GUCY1A2: variants seen among roughly 807,000 people sequenced by gnomAD.
GUCY1A2 encodes guanylate cyclase soluble subunit alpha-2.
GUCY1A2 carries 27 observed loss-of-function variants against 63.5 expected under a neutral mutation model. The ratio of observed to expected loss-of-function variants is 0.43; its 90% CI spans 0.31 to 0.59. GUCY1A2 has a LOEUF of 0.59. Among genes scored for constraint, GUCY1A2 ranks in the 20% least tolerant of loss-of-function variants. GUCY1A2 has a pLI of 0.11. For missense variants in GUCY1A2, 768 were observed against 913.3 expected (o/e 0.84, Z 2.05); for synonymous variants, 364 against 343.5 (o/e 1.06, Z -0.66).
At chr11:106,935,515 G>A (rs912108824) in intron 4 of GUCY1A2, among the ~76,000 whole-genome samples, 1 of 152,098 alleles carries the variant, frequency 6.6e-6, no homozygotes, top group Non-Finnish European at 1.5e-5. Flanking sequence ...CTTTTAAAAT[G>A]CATCTGAATT....
At position 106,813,182 on chromosome 11, in the gene GUCY1A2, C is replaced by T. The variant is rs75726885; in HGVS notation, c.1207-2704G>A. Among the ~76,000 whole-genome samples the T allele has an allele frequency of 7.6e-3, 1,160 of 151,954 alleles. 79 individuals carry two copies. The East Asian group carries it at 0.15, about 19-fold the overall frequency. ...TGCATCTTACATCATATTGAAGTTT[C>T]AATGAGATAGCACAGAAGACATAAG... On this transcript the variant is annotated intron_variant, in intron 4 of 7. Coordinates refer to ENST00000526355, the MANE Select transcript of GUCY1A2 (RefSeq NM_000855.3).
At chr11:106,740,298 C>T (rs1009437323) in intron 6 of GUCY1A2, among the ~76,000 whole-genome samples, 1 of 151,852 alleles carries the variant, frequency 6.6e-6, no homozygotes, top group Non-Finnish European at 1.5e-5. Flanking sequence ...CCACCATGCC[C>T]GGCCTGAGAG....
chr11:106,832,236 A>G (rs998561373), intron 4 of GUCY1A2, among the ~76,000 whole-genome samples: 2 of 152,244 alleles, frequency 1.3e-5, no homozygotes, highest in African/African-American at 4.8e-5. Flanking sequence ...AAAGCCTTTC[A>G]AGTATTCTCT....
intron 7 of GUCY1A2, among the ~76,000 whole-genome samples, chr11:106,693,086 C>A (rs1451937988): frequency 6.6e-6 from 1 of 152,118 alleles, no homozygotes; most frequent in Non-Finnish European, 1.5e-5. Context: ...AGGGGGTAAT[C>A]ACAAATTTGT....
At chr11:106,976,026 A>G (rs1284725483) in intron 3 of GUCY1A2, among the ~76,000 whole-genome samples, 1 of 152,222 alleles carries the variant, frequency 6.6e-6, no homozygotes. Flanking sequence ...TACTATGATC[A>G]TATCTTGTGA....
intron 4 of GUCY1A2, among the ~76,000 whole-genome samples, chr11:106,937,953 T>G (rs938261196): frequency 5.3e-5 from 8 of 152,164 alleles, no homozygotes; most frequent in Non-Finnish European, 1.0e-4. Flanking sequence ...AATTTTTTTT[T>G]TGAGACAGAG....
intron 3 of GUCY1A2, among the ~76,000 whole-genome samples, chr11:106,961,647 G>GC (rs1861059219): frequency 6.6e-6 from 1 of 152,132 alleles, no homozygotes; most frequent in South Asian, 2.1e-4. Context: ...TCTTAAGTGT[G>GC]CTTCAAAAAA....
At chr11:106,896,302 AG>A (rs1442636572) in intron 4 of GUCY1A2, among the ~76,000 whole-genome samples, 2 of 152,126 alleles carry the variant, frequency 1.3e-5, no homozygotes, top group African/African-American at 4.8e-5. Context: ...CTAGTAATGA[AG>A]GGGAACTTCA....
In GUCY1A2 at chr11:107,017,839, T is replaced by TGGCAGC. The variant is rs1555062809; in HGVS notation, c.211_216dup (p.Ala71_Ala72dup). The TGGCAGC allele has an allele frequency of 4.7e-6, 6 of 1,277,058 alleles. No homozygotes were observed. Among genetic ancestry groups the TGGCAGC allele is most frequent in the Non-Finnish European group, 5.9e-6 (6 of 1,013,208 alleles). 79.1% of individuals were successfully genotyped at this position (1,277,058 alleles called of 1,614,324 possible). A position where few individuals can be genotyped will look rare whatever the true frequency, so the allele number is the denominator to read the frequency against. ...CGCTGCACCCTCCTGGCCCCGGCAG[T>TGGCAGC]GGCAGCGGCGGCGGCGGCAGAAGCA... is the stretch of plus-strand genomic sequence containing the variant. On this transcript the variant is annotated inframe_insertion, in exon 1 of 8. Coordinates refer to ENST00000526355, the MANE Select transcript of GUCY1A2 (RefSeq NM_000855.3).
At chr11:106,710,117 A>G (rs1206467158) in intron 6 of GUCY1A2, among the ~76,000 whole-genome samples, 1 of 102,420 alleles carries the variant, frequency 9.8e-6, no homozygotes, top group East Asian at 3.3e-4. Context: ...ATATACATGT[A>G]TATAATATAG....
chr11:106,734,801 T>C (rs1863561325), intron 6 of GUCY1A2, among the ~76,000 whole-genome samples: 1 of 152,036 alleles, frequency 6.6e-6, no homozygotes, highest in Non-Finnish European at 1.5e-5. Context: ...GGCTTTGAGG[T>C]TGGAACATCT....
At chr11:106,849,192 C>A (rs1273806532) in intron 4 of GUCY1A2, among the ~76,000 whole-genome samples, 1 of 151,418 alleles carries the variant, frequency 6.6e-6, no homozygotes, top group African/African-American at 2.4e-5. Flanking sequence ...TAGAGACTGG[C>A]ATTATCTACT....
intron 4 of GUCY1A2, among the ~76,000 whole-genome samples, chr11:106,911,483 T>C (rs1480805916): frequency 6.6e-6 from 1 of 152,086 alleles, no homozygotes; most frequent in Non-Finnish European, 1.5e-5. Context: ...AGCAAAGAAA[T>C]AAACAATAAA....
chr11:107,015,423 T>C (rs1427115085), intron 1 of GUCY1A2, among the ~76,000 whole-genome samples: 4 of 152,112 alleles, frequency 2.6e-5, no homozygotes, highest in East Asian at 1.9e-4. Flanking sequence ...TTCCTTCCTC[T>C]TATTCTAGCA....
At chr11:106,847,239 A>AAT (rs1555039766) in intron 4 of GUCY1A2, among the ~76,000 whole-genome samples, 1 of 145,480 alleles carries the variant, frequency 6.9e-6, no homozygotes, top group South Asian at 2.1e-4. Flanking sequence ...CTCAAAAAAA[A>AAT]AAATATATAT....
At chr11:106,860,428 T>C (rs747526303) in intron 4 of GUCY1A2, among the ~76,000 whole-genome samples, 1 of 151,994 alleles carries the variant, frequency 6.6e-6, no homozygotes, top group Non-Finnish European at 1.5e-5. Flanking sequence ...AGAGTTTCTG[T>C]CTTTCAAATT....
chr11:106,714,961 G>C (rs4423153), intron 6 of GUCY1A2, among the ~76,000 whole-genome samples: 96,313 of 152,054 alleles, frequency 0.63, 31,703 homozygotes, highest in African/African-American at 0.81. Flanking sequence ...ACAAAGCATA[G>C]TAGACTTTAT....
At chr11:106,901,108 T>C (rs564656658) in intron 4 of GUCY1A2, among the ~76,000 whole-genome samples, 3 of 152,362 alleles carry the variant, frequency 2.0e-5, no homozygotes, top group Non-Finnish European at 2.9e-5. Context: ...ACCCTGCTGC[T>C]GCCCTATTAT....
intron 4 of GUCY1A2, among the ~76,000 whole-genome samples, chr11:106,839,156 G>A (rs1298787261): frequency 6.6e-6 from 1 of 151,952 alleles, no homozygotes; most frequent in African/African-American, 2.4e-5. Flanking sequence ...TTTTGTATAA[G>A]GTGTAAGGAA....
Sources: allele counts gnomAD v4.1 joint callset (sites outside exome capture counted in the v4.1 genomes callset), GRCh38; gene constraint gnomAD v4.1.1; transcripts MANE v1.5; gene names NCBI Gene and HGNC (gene_info 2026-07-23, HGNC 2026-07-21).